Variants in DGKG observed in about 807,000 individuals in gnomAD.
DGKG encodes DAG kinase gamma.
In DGKG, 78 loss-of-function variants were observed where a neutral mutation model predicts 105.3. The observed-to-expected ratio is 0.74, with a 90% confidence interval of 0.62 to 0.89. DGKG has a LOEUF of 0.89. Ranked by LOEUF, DGKG falls within the 40% of genes least tolerant of loss-of-function variation. The pLI, the probability that DGKG is intolerant of heterozygous loss-of-function variation, is 0.00. For missense variants in DGKG, 958 were observed against 1,020.1 expected, an observed-to-expected ratio of 0.94 and a Z score of 0.83; for synonymous variants, 346 against 367.1, an observed-to-expected ratio of 0.94 and a Z score of 0.66.
intron 5 of DGKG, among the ~76,000 whole-genome samples, chr3:186,297,057 G>GTCTCTCTCTCTC (rs1311301538): frequency 1.2e-5 from 1 of 80,918 alleles, no homozygotes; most frequent in African/African-American, 5.4e-5. Context: ...CTGTCTGTCT[G>GTCTCTCTCTCTC]TCTGTCTCTC....
chr3:186,170,168 T>C (rs1465263487), intron 22 of DGKG, among the ~76,000 whole-genome samples: 3 of 152,158 alleles, frequency 2.0e-5, no homozygotes, highest in African/African-American at 4.8e-5. Context: ...AAAACAACAA[T>C]GCCAGGTTGC....
At chr3:186,206,684 G>A (rs1264651960) in intron 21 of DGKG, among the ~76,000 whole-genome samples, 2 of 152,176 alleles carry the variant, frequency 1.3e-5, no homozygotes, top group Non-Finnish European at 2.9e-5. Flanking sequence ...AGTACCCTGA[G>A]AGACTGCCTT....
chr3:186,215,918 C>T (rs189128520), intron 20 of DGKG, among the ~76,000 whole-genome samples: 248 of 151,876 alleles, frequency 1.6e-3, no homozygotes, highest in Non-Finnish European at 3.0e-3. Context: ...TTATGGACCC[C>T]TACTATGGGC....
At chr3:186,244,050 T>A (rs1480460898) in intron 19 of DGKG, among the ~76,000 whole-genome samples, 3 of 151,640 alleles carry the variant, frequency 2.0e-5, no homozygotes, top group African/African-American at 7.3e-5. Context: ...GTGCCTACCA[T>A]CACACCGGGC....
chr3:186,318,170 G>C (rs985865471), intron 2 of DGKG, among the ~76,000 whole-genome samples: 11 of 152,108 alleles, frequency 7.2e-5, no homozygotes, highest in African/African-American at 2.4e-4. Flanking sequence ...ACAGTCTCCA[G>C]ATTCCTGGCT....
chr3:186,309,220 A>G (rs919373822), intron 2 of DGKG, among the ~76,000 whole-genome samples: 1 of 151,958 alleles, frequency 6.6e-6, no homozygotes, highest in African/African-American at 2.4e-5. Context: ...TGAGGCATAA[A>G]GAATTGGGTA....
chr3:186,297,062 T>TACACACACACACACACACACA (rs1560139860), intron 5 of DGKG, among the ~76,000 whole-genome samples: 1 of 26,784 alleles, frequency 3.7e-5, no homozygotes, highest in African/African-American at 7.8e-5. Flanking sequence ...TGTCTGTCTG[T>TACACACACACACACACACACA]CTCTCTCACA....
chr3:186,296,188 C>T (rs1723554340), intron 5 of DGKG, among the ~76,000 whole-genome samples: 1 of 150,786 alleles, frequency 6.6e-6, no homozygotes, highest in African/African-American at 2.5e-5. Context: ...ATTTATCAAA[C>T]ATTTACTGTG....
At chr3:186,299,092 A>G (rs1282516107) in intron 3 of DGKG, among the ~76,000 whole-genome samples, 1 of 152,160 alleles carries the variant, frequency 6.6e-6, no homozygotes, top group Non-Finnish European at 1.5e-5. Context: ...ACACTCAACA[A>G]CAACAGTTTG....
At chr3:186,202,772 C>A (rs997640407) in intron 21 of DGKG, among the ~76,000 whole-genome samples, 15 of 152,098 alleles carry the variant, frequency 9.9e-5, no homozygotes, top group African/African-American at 3.6e-4. Context: ...ATCACTTGAC[C>A]CCCAACTTTG....
intron 1 of DGKG, among the ~76,000 whole-genome samples, chr3:186,356,850 T>A (rs1578878526): frequency 6.6e-6 from 1 of 152,112 alleles, no homozygotes; most frequent in Admixed American, 6.5e-5. Context: ...CAGACTATGG[T>A]GGTTGACTGG....
intron 1 of DGKG, among the ~76,000 whole-genome samples, chr3:186,346,136 G>A (rs576784093): frequency 6.6e-6 from 1 of 152,264 alleles, no homozygotes; most frequent in Non-Finnish European, 1.5e-5. Flanking sequence ...TTCAGTACTA[G>A]TTGCCTATCT....
chr3:186,217,368 T>G (rs1255737172), intron 20 of DGKG, among the ~76,000 whole-genome samples: 2 of 152,078 alleles, frequency 1.3e-5, no homozygotes, highest in Non-Finnish European at 2.9e-5. Flanking sequence ...ACTCCTAGGT[T>G]CATTGTCAGG....
At chr3:186,221,912 C>T (rs879397467) in intron 20 of DGKG, among the ~76,000 whole-genome samples, 1 of 152,248 alleles carries the variant, frequency 6.6e-6, no homozygotes, top group Non-Finnish European at 1.5e-5. Context: ...TGCCGGCCCC[C>T]AGCTGTTGAG....
intron 5 of DGKG, among the ~76,000 whole-genome samples, chr3:186,296,814 T>C (rs6771617): frequency 0.034 from 5,191 of 152,322 alleles, 302 homozygotes; most frequent in African/African-American, 0.12. Flanking sequence ...GGTGTGATTG[T>C]GAAGCTTAGA....
At chr3:186,241,943 G>A (rs1033165100) in intron 20 of DGKG, among the ~76,000 whole-genome samples, 29 of 152,278 alleles carry the variant, frequency 1.9e-4, no homozygotes, top group South Asian at 6.2e-4. Context: ...CCCAGGCTGA[G>A]GCTGGGACTT....
At chr3:186,156,452 C>G (rs1448780952) in intron 24 of DGKG, among the ~76,000 whole-genome samples, 5 of 152,074 alleles carry the variant, frequency 3.3e-5, no homozygotes, top group African/African-American at 1.2e-4. Flanking sequence ...TGCTTCTGTA[C>G]TATTGATTTA....
chr3:186,155,829 A>T (rs1278457576), intron 24 of DGKG, among the ~76,000 whole-genome samples: 1 of 152,214 alleles, frequency 6.6e-6, no homozygotes, highest in African/African-American at 2.4e-5. Context: ...TAAAGACAAA[A>T]CAGCTGTGCT....
At chr3:186,191,355 T>C (rs1717897279) in intron 21 of DGKG, among the ~76,000 whole-genome samples, 1 of 152,224 alleles carries the variant, frequency 6.6e-6, no homozygotes, top group Non-Finnish European at 1.5e-5. Context: ...GTTTCCAAAA[T>C]GTACCCTATT....
Sources: allele counts gnomAD v4.1 joint callset (sites outside exome capture counted in the v4.1 genomes callset), GRCh38; gene constraint gnomAD v4.1.1; transcripts MANE v1.5; gene names NCBI Gene and HGNC (gene_info 2026-07-23, HGNC 2026-07-21).